The following BST1 variants were observed in gnomAD, a reference collection of about 807,000 sequenced individuals.
BST1 encodes the protein bone marrow stromal cell antigen 1, also known as ADP-ribosyl cyclase/cyclic ADP-ribose hydrolase 2.
BST1 carries 49 observed loss-of-function variants against 40.6 expected under a neutral mutation model. That is an observed-to-expected ratio of 1.21 (90% CI 0.96 to 1.53). The LOEUF is 1.53. Among genes scored for constraint, BST1 ranks in the 40% most tolerant of loss-of-function variants. The pLI, the probability that BST1 is intolerant of heterozygous loss-of-function variation, is 0.00. For synonymous variants in BST1, 157 were observed against 159.3 expected (o/e 0.99, Z 0.11); for missense variants, 423 against 395.9 (o/e 1.07, Z -0.58).
At chr4:15,704,843 T>C (rs3756247) in intron 1 of BST1, 184,252 of 717,050 alleles carry the variant, frequency 0.26, 25,374 homozygotes, top group African/African-American at 0.36. Context: ...CTGATTTTTG[T>C]TCCTTCTGTG....
At chr4:15,715,224 C>T in intron 4 of BST1, 61 bp from the exon 5 acceptor site, 2 of 1,474,706 alleles carry the variant, frequency 1.4e-6, no homozygotes, top group Non-Finnish European at 1.9e-6. Flanking sequence ...AAAAAATGCA[C>T]ATTTCATAGC....
intron 4 of BST1, among the ~76,000 whole-genome samples, chr4:15,714,508 A>C (rs1720400338): frequency 6.6e-6 from 1 of 152,230 alleles, no homozygotes; most frequent in African/African-American, 2.4e-5. Flanking sequence ...TATTGCAAAT[A>C]CTTTGTATAC....
At chr4:15,760,950 A>G in the BST1 span, among the ~76,000 whole-genome samples, 1 of 142,390 alleles carries the variant, frequency 7.0e-6, no homozygotes, top group Non-Finnish European at 1.5e-5. Flanking sequence ...TTGGCCTTTC[A>G]AAGTGCTGGG....
intron 8 of BST1, among the ~76,000 whole-genome samples, chr4:15,729,238 A>G (rs9790535): frequency 0.087 from 13,255 of 152,058 alleles, 1,219 homozygotes; most frequent in East Asian, 0.53. Flanking sequence ...GATCACTTGA[A>G]CCCAGGCATT....
At chr4:15,745,456 T>C in the BST1 span, among the ~76,000 whole-genome samples, 15 of 152,354 alleles carry the variant, frequency 9.8e-5, no homozygotes, top group African/African-American at 3.4e-4. Flanking sequence ...CACGTTTTCA[T>C]TTTGCATTGC....
chr4:15,757,454 A>T, the BST1 span, among the ~76,000 whole-genome samples: 6 of 152,068 alleles, frequency 3.9e-5, no homozygotes, highest in East Asian at 1.2e-3. Context: ...ACCTTGGCTG[A>T]ACAGAATAAT....
intron 2 of BST1, 70 bp downstream of exon 2, chr4:15,705,711 G>A: frequency 1.3e-6 from 2 of 1,570,484 alleles, no homozygotes; most frequent in East Asian, 2.2e-5. Flanking sequence ...GCATGGGCCA[G>A]GTTGACATTA....
chr4:15,752,071 G>A, the BST1 span, among the ~76,000 whole-genome samples: 1 of 152,178 alleles, frequency 6.6e-6, no homozygotes, highest in Non-Finnish European at 1.5e-5. Context: ...TGTATGATCA[G>A]ATTTGTGCTT....
At chr4:15,704,201 A>AG (rs534113067) in intron 1 of BST1, among the ~76,000 whole-genome samples, 5 of 113,734 alleles carry the variant, frequency 4.4e-5, no homozygotes, top group Non-Finnish European at 6.9e-5. Context: ...TCTAGAGGTG[A>AG]GGGGGTGTAT....
intron 8 of BST1, among the ~76,000 whole-genome samples, chr4:15,729,997 TA>T (rs1358309061): frequency 5.3e-5 from 8 of 152,266 alleles, no homozygotes; most frequent in Non-Finnish European, 1.0e-4. Context: ...AAGAAAAATG[TA>T]ACCTTATGTT....
Position 15,731,786 on chromosome 4 carries a change from C to T in BST1, c.898C>T (p.Gln300Ter). The T allele has an allele frequency of 6.2e-7, 1 of 1,613,820 alleles. No individual in the cohort carries two copies. ...AAAAGCCCCAAGTCTTTATACAGAA[C>T]AAAGGGCGGGTCTTATCATTCCCCT... ...QRKAPSLYTE[Q>*]RAGLIIPLFL... Residue 300 changes from glutamine to a stop codon, truncating the protein, a stop_gained, in exon 9 of 9, where the codon CAA becomes TAA. Transcript: ENST00000265016. LOFTEE classifies it low-confidence loss of function (END_TRUNC).
At chr4:15,731,145 C>T (rs71601491) in intron 8 of BST1, 3 of 407,980 alleles carry the variant, frequency 7.4e-6, no homozygotes, top group Admixed American at 3.0e-5. Flanking sequence ...GACATAACAC[C>T]TTCTTCATGT....
chr4:15,712,938 A>G (rs531881290), intron 4 of BST1, among the ~76,000 whole-genome samples: 2 of 152,262 alleles, frequency 1.3e-5, no homozygotes, highest in East Asian at 3.9e-4. Context: ...CTCAGGGGAG[A>G]TGTCAACATT....
chr4:15,754,647 A>C, the BST1 span, among the ~76,000 whole-genome samples: 1 of 152,164 alleles, frequency 6.6e-6, no homozygotes, highest in African/African-American at 2.4e-5. Context: ...GCATGCCTGA[A>C]AAGATGGAAA....
the BST1 span, among the ~76,000 whole-genome samples, chr4:15,765,858 C>T: frequency 1.3e-5 from 2 of 152,102 alleles, no homozygotes; most frequent in Admixed American, 6.5e-5. Context: ...ATCATCACCT[C>T]GCATGTGCTA....
At chr4:15,711,250 C>T (rs1374482571) in intron 3 of BST1, among the ~76,000 whole-genome samples, 1 of 152,042 alleles carries the variant, frequency 6.6e-6, no homozygotes, top group Non-Finnish European at 1.5e-5. Flanking sequence ...TCCCACATCC[C>T]ATTGATCTGC....
intron 8 of BST1, among the ~76,000 whole-genome samples, chr4:15,723,891 C>T (rs1044752664): frequency 6.6e-6 from 1 of 152,168 alleles, no homozygotes; most frequent in Non-Finnish European, 1.5e-5. Flanking sequence ...GTGCCTGTAC[C>T]TATAGCCTAT....
At chr4:15,710,876 G>GCCC (rs1375063870) in intron 3 of BST1, among the ~76,000 whole-genome samples, 1 of 151,440 alleles carries the variant, frequency 6.6e-6, no homozygotes, top group Admixed American at 6.6e-5. Context: ...TGCAGCATTC[G>GCCC]CCCCCCAGGT....
chr4:15,711,247 T>A (rs2148881742), intron 3 of BST1, among the ~76,000 whole-genome samples: 1 of 152,324 alleles, frequency 6.6e-6, no homozygotes, highest in South Asian at 2.1e-4. Context: ...ACATCCCACA[T>A]CCCATTGATC....
Sources: gnomAD v4.1 joint callset for allele counts (sites outside exome capture counted in the v4.1 genomes callset) on GRCh38, gnomAD v4.1.1 for gene constraint, MANE v1.5 for transcripts, NCBI Gene and HGNC (gene_info 2026-07-23, HGNC 2026-07-21) for gene names.